The following GHR variants were observed in gnomAD, a reference collection of about 807,000 sequenced individuals.
GHR encodes growth hormone receptor.
A neutral mutation model predicts 67.1 loss-of-function variants in GHR; 35 were observed. That is an observed-to-expected ratio of 0.52 (90% CI 0.40 to 0.69). The LOEUF is 0.69. Among genes scored for constraint, GHR ranks in the 30% least tolerant of loss-of-function variants. The pLI is 0.00. For synonymous variants in GHR, 272 were observed against 269.1 expected (o/e 1.01, Z -0.10); for missense variants, 792 against 764.6 (o/e 1.04, Z -0.42).
chr5:42,608,599 G>A (rs1752741083), intron 2 of GHR, among the ~76,000 whole-genome samples: 1 of 151,970 alleles, frequency 6.6e-6, no homozygotes, highest in Non-Finnish European at 1.5e-5. Context: ...GTGGATTGTT[G>A]TCAAAGAAGA....
intron 8 of GHR, chr5:42,713,898 A>C (rs537491757): frequency 4.2e-6 from 1 of 237,206 alleles, no homozygotes; most frequent in Non-Finnish European, 8.3e-6. Context: ...AGTCTGATAC[A>C]GTCCTTATAT....
chr5:42,614,559 A>ATTTT lies in GHR; in HGVS notation c.71-14450_71-14447dup, dbSNP rs553365880. ...GCAAGCTTTATAGGCCATAGAGGAC[A>ATTTT]TTTTTTTTTTTTTTTTTTTTTTTTT... On this transcript the variant is annotated intron_variant, in intron 2 of 9. Transcript: ENST00000230882. Among the ~76,000 whole-genome samples, 39 of 65,410 alleles carry ATTTT rather than the reference A, an allele frequency of 6.0e-4. 2 individuals are homozygous for ATTTT. The highest frequency in any genetic ancestry group is 2.0e-3 in the African/African-American group (31 of 15,842). 42.9% of individuals were successfully genotyped at this position (65,410 alleles called of 152,430 possible).
intron 1 of GHR, among the ~76,000 whole-genome samples, chr5:42,564,496 T>C (rs1207600770): frequency 1.3e-5 from 2 of 152,246 alleles, no homozygotes; most frequent in Non-Finnish European, 2.9e-5. Context: ...GAGTTCCTCA[T>C]GCATGTGGAT....
chr5:42,437,759 T>A (rs1743392641), intron 1 of GHR, among the ~76,000 whole-genome samples: 1 of 151,586 alleles, frequency 6.6e-6, no homozygotes, highest in Admixed American at 6.6e-5. Context: ...TTTAGCCAGG[T>A]TGCCCAGGCT....
intron 3 of GHR, among the ~76,000 whole-genome samples, chr5:42,663,966 C>A (rs529038657): frequency 3.7e-4 from 56 of 152,002 alleles, no homozygotes; most frequent in Admixed American, 6.6e-4. Context: ...CAAACAGAGC[C>A]AAATCATGAG....
At chr5:42,665,792 G>T (rs141274924) in intron 3 of GHR, among the ~76,000 whole-genome samples, 1,657 of 152,204 alleles carry the variant, frequency 0.011, 26 homozygotes, top group African/African-American at 0.039. Context: ...TGGACTCACA[G>T]TTCCACATGG....
intron 2 of GHR, among the ~76,000 whole-genome samples, chr5:42,580,497 T>C (rs534090442): frequency 6.6e-6 from 1 of 152,310 alleles, no homozygotes; most frequent in Admixed American, 6.5e-5. Flanking sequence ...ATCTTTAATA[T>C]TTTATATGAG....
intron 3 of GHR, among the ~76,000 whole-genome samples, chr5:42,657,644 T>C (rs562457595): frequency 6.6e-6 from 1 of 152,238 alleles, no homozygotes; most frequent in African/African-American, 2.4e-5. Flanking sequence ...CCTGTTATAA[T>C]CAACTTCCTA....
At chr5:42,563,624 CAAAAAAAAAA>C (rs1168788232) in intron 1 of GHR, among the ~76,000 whole-genome samples, 15 of 45,096 alleles carry the variant, frequency 3.3e-4, no homozygotes, top group East Asian at 6.8e-4. Flanking sequence ...GACTCCGTCT[CAAAAAAAAAA>C]AAAAAAAAAA....
At chr5:42,452,464 T>A in intron 1 of GHR, among the ~76,000 whole-genome samples, 1 of 152,192 alleles carries the variant, frequency 6.6e-6, no homozygotes, top group East Asian at 1.9e-4. Context: ...CCAGGGAAGT[T>A]TTCCTTAATT....
At chr5:42,617,074 C>G (rs750908117) in intron 2 of GHR, among the ~76,000 whole-genome samples, 1 of 151,824 alleles carries the variant, frequency 6.6e-6, no homozygotes, top group Non-Finnish European at 1.5e-5. Flanking sequence ...GAGCGCAACC[C>G]CTAAGAAGCC....
At chr5:42,634,763 T>C (rs1754093876) in intron 3 of GHR, among the ~76,000 whole-genome samples, 1 of 152,198 alleles carries the variant, frequency 6.6e-6, no homozygotes, top group Non-Finnish European at 1.5e-5. Context: ...CCTAGTGTCA[T>C]GGGTCGGTCT....
chr5:42,707,010 A>G (rs1758208417), intron 6 of GHR, among the ~76,000 whole-genome samples: 1 of 151,918 alleles, frequency 6.6e-6, no homozygotes, highest in African/African-American at 2.4e-5. Context: ...GATTCTTCTA[A>G]TCCATAAGCA....
intron 3 of GHR, among the ~76,000 whole-genome samples, chr5:42,660,447 G>C (rs1755527032): frequency 6.6e-6 from 1 of 152,212 alleles, no homozygotes; most frequent in South Asian, 2.1e-4. Flanking sequence ...AGCATTCAAG[G>C]TTCATGAAAA....
At chr5:42,570,535 T>C (rs1472758808) in intron 2 of GHR, among the ~76,000 whole-genome samples, 1 of 152,256 alleles carries the variant, frequency 6.6e-6, no homozygotes, top group Non-Finnish European at 1.5e-5. Context: ...ATTCATTCAA[T>C]TTTGCATGCA....
At chr5:42,467,424 G>T in intron 1 of GHR, 1 of 943,366 alleles carries the variant, frequency 1.1e-6, no homozygotes, top group African/African-American at 1.6e-5. Flanking sequence ...GGACAATATG[G>T]TTTGAGCTCC....
chr5:42,690,158 G>A lies in GHR; in HGVS notation c.266+1139G>A, dbSNP rs1579616670. On this transcript the variant is annotated intron_variant, in intron 4 of 9. Transcript: ENST00000230882. The stretch of plus-strand genomic sequence containing the variant: ...TGAGGACCCTTTATCCTTGGCTCAA[G>A]GTGTTCGTTAGTCAGAGGATGACAT... Among the ~76,000 whole-genome samples, 4 of 152,312 alleles carry A rather than the reference G, an allele frequency of 2.6e-5. 1 individual carries two copies. The highest frequency in any genetic ancestry group is 2.6e-4 in the Admixed American group (4 of 15,294).
At chr5:42,497,814 A>G (rs377465875) in intron 1 of GHR, among the ~76,000 whole-genome samples, 3 of 152,312 alleles carry the variant, frequency 2.0e-5, no homozygotes, top group African/African-American at 7.2e-5. Context: ...AATGGAAAAC[A>G]TTGGAAAAGA....
intron 3 of GHR, among the ~76,000 whole-genome samples, chr5:42,676,855 G>A (rs1354224939): frequency 6.6e-6 from 1 of 152,072 alleles, no homozygotes; most frequent in Admixed American, 6.6e-5. Context: ...TTTGGAGAAG[G>A]CTGCTTGGTC....
Sources: gnomAD v4.1 joint callset for allele counts (sites outside exome capture counted in the v4.1 genomes callset) on GRCh38, gnomAD v4.1.1 for gene constraint, MANE v1.5 for transcripts, NCBI Gene and HGNC (gene_info 2026-07-23, HGNC 2026-07-21) for gene names.